EPS8: variants seen among roughly 807,000 people sequenced by gnomAD.
EPS8 encodes the protein EGFR pathway substrate 8, signaling adaptor, also known as epidermal growth factor receptor kinase substrate 8.
A neutral mutation model predicts 103.8 loss-of-function variants in EPS8; 42 were observed. The observed-to-expected ratio is 0.40, with a 90% CI of 0.32 to 0.52. EPS8 has a LOEUF of 0.52. Among genes scored for constraint, EPS8 ranks in the 20% least tolerant of loss-of-function variants. The pLI, the probability that EPS8 is intolerant of heterozygous loss-of-function variation, is 0.40. For missense variants in EPS8, 969 were observed against 1,005.1 expected (o/e 0.96, Z 0.49); for synonymous variants, 344 against 344.6 (o/e 1.00, Z 0.02).
At chr12:15,708,915 T>C (rs1289456357) in intron 1 of EPS8, among the ~76,000 whole-genome samples, 1 of 152,252 alleles carries the variant, frequency 6.6e-6, no homozygotes, top group African/African-American at 2.4e-5. Context: ...TGAGCCACTA[T>C]GCAACATGAT....
Position 15,647,244 on chromosome 12 carries a change from T to C in EPS8, c.1451A>G (p.Glu484Gly). The change falls in exon 15 of 21, where the codon GAG (glutamate) becomes GGG (glycine). Residue 484 changes from glutamate to glycine, a missense_variant. Physicochemically the swap from Glu to Gly is moderately conservative, Grantham distance 98. Transcript: ENST00000281172. ...CGCATAGCCATCGGCTGGATGATAC[T>C]CTGATACACTGGAATGCTGAAAGAC... ...RLSTEHSSVS[E>G]YHPADGYAFS... is the part of the protein sequence containing the mutation. The C allele has an allele frequency of 6.2e-7, 1 of 1,613,004 alleles. No homozygotes were observed. The highest frequency in any genetic ancestry group is 8.5e-7 in the Non-Finnish European group (1 of 1,179,454).
Position 15,725,748 on chromosome 12 carries a change from T to A in EPS8, c.-21-42776A>T, listed in dbSNP as rs1946646400. 6.6e-6 allele frequency among the ~76,000 whole-genome samples: 1 copy of A among 152,294 alleles called. No homozygotes were observed. Among genetic ancestry groups the A allele is most frequent in the South Asian group, 2.1e-4 (1 of 4,822 alleles). On this transcript the variant is annotated intron_variant, in intron 1 of 20. Coordinates refer to ENST00000281172, the MANE Select transcript of EPS8 (RefSeq NM_004447.6). The surrounding 1 kb of genome is among the most constrained non-coding windows in gnomAD (Gnocchi z 4.5). Reference sequence around the variant, plus strand: ...AAATGAACAAAAAGATGGAAAAATATGAATTTTAAAAATTTACAAGCTCTG... The same window carrying A: ...AAATGAACAAAAAGATGGAAAAATAAGAATTTTAAAAATTTACAAGCTCTG...
rs1463997467 is a variant in EPS8, at chr12:15,752,415, C to T, written c.-22+36746G>A. Among the ~76,000 whole-genome samples the T allele has an allele frequency of 1.3e-5, 2 of 151,828 alleles. No homozygotes were observed. Among genetic ancestry groups the T allele is most frequent in the Non-Finnish European group, 1.5e-5 (1 of 67,944 alleles). On this transcript the variant is annotated intron_variant, in intron 1 of 20. Coordinates refer to ENST00000281172, the MANE Select transcript of EPS8 (RefSeq NM_004447.6). The surrounding 1 kb of genome is among the most constrained non-coding windows in gnomAD (Gnocchi z 4.4). Reference sequence around the variant, plus strand: ...TGAGCTGAGATCATGCCACTGCACCCTAGCCTGGGCGACAGAGCAAGACTC... The same window carrying T: ...TGAGCTGAGATCATGCCACTGCACCTTAGCCTGGGCGACAGAGCAAGACTC...
chr12:15,722,119 C>T (rs1946602941), intron 1 of EPS8, among the ~76,000 whole-genome samples: 1 of 150,984 alleles, frequency 6.6e-6, no homozygotes, highest in African/African-American at 2.4e-5. Flanking sequence ...AATCTTTTGG[C>T]TTCCCTGGGC....
chr12:15,710,606 G>A (rs966321954), intron 1 of EPS8, among the ~76,000 whole-genome samples: 1 of 152,012 alleles, frequency 6.6e-6, no homozygotes, highest in African/African-American at 2.4e-5. Flanking sequence ...TTGTACACAC[G>A]ATTCTGTATA....
rs1947297325 is a variant in EPS8, at chr12:15,785,023, T to TAA, written c.-22+4137_-22+4138insTT. Among the ~76,000 whole-genome samples the TAA allele has an allele frequency of 1.3e-5, 2 of 152,106 alleles. No individual in the cohort carries two copies. Among genetic ancestry groups the TAA allele is most frequent in the Non-Finnish European group, 2.9e-5 (2 of 67,948 alleles). ...GTTGAAATTATTCGGTATGATACTA[T>TAA]GATCCTATAAGGATAGCTACATCAA... is the stretch of plus-strand genomic sequence containing the variant. On this transcript the variant is annotated intron_variant, in intron 1 of 20. Coordinates refer to ENST00000281172, the MANE Select transcript of EPS8 (RefSeq NM_004447.6). This position sits in a 1 kb window ranked among gnomAD's most constrained non-coding sequence, Gnocchi z 4.9.
intron 1 of EPS8, among the ~76,000 whole-genome samples, chr12:15,723,793 G>T (rs1242712875): frequency 6.6e-6 from 1 of 151,992 alleles, no homozygotes; most frequent in African/African-American, 2.4e-5. Context: ...AAAAGTTTTT[G>T]ATCAACTTTT....
At chr12:15,632,811 A>G (rs1180261180) in intron 17 of EPS8, among the ~76,000 whole-genome samples, 2 of 152,142 alleles carry the variant, frequency 1.3e-5, no homozygotes, top group Non-Finnish European at 2.9e-5. Flanking sequence ...CTCAAAAACA[A>G]CACATCAACC....
In EPS8 at chr12:15,654,227, T is replaced by C. The variant is rs1008344421; in HGVS notation, c.1168A>G (p.Thr390Ala). Residue 390 changes from threonine (T) to alanine (A), a missense_variant, in exon 13 of 21, where the codon ACA (threonine) becomes GCA (alanine). Coordinates refer to ENST00000281172, the MANE Select transcript of EPS8 (RefSeq NM_004447.6). ...ACAGTATAATTTAAGAAATCAATTG[T>C]GTCCTTATTCAATAGGGGACTAAGT... ...SVLSPLLNKD[T>A]IDFLNYTVNG... 1 of 1,613,574 alleles carries C rather than the reference T, an allele frequency of 6.2e-7. No homozygotes were observed.
chr12:15,633,109 C>G lies in EPS8; in HGVS notation c.1822-1445G>C, dbSNP rs544545354. 4.6e-5 allele frequency among the ~76,000 whole-genome samples: 7 copies of G among 152,182 alleles called. No individual in the cohort carries two copies. The East Asian group carries it at 9.6e-4, about 21-fold the overall frequency. On this transcript the variant is annotated intron_variant, in intron 17 of 20. Coordinates refer to ENST00000281172, the MANE Select transcript of EPS8 (RefSeq NM_004447.6). ...GAGAAGGAGTTAGGTGGGACAGAAA[C>G]TGAGTTGCTAATCCCCTTAGCATTC...
At chr12:15,703,143 G>A (rs946848342) in intron 1 of EPS8, among the ~76,000 whole-genome samples, 14 of 152,126 alleles carry the variant, frequency 9.2e-5, no homozygotes, top group African/African-American at 1.7e-4. Context: ...GCGAGACTCC[G>A]TCTCAAAAAA....
chr12:15,672,662 C>T (rs1033430944), intron 3 of EPS8, among the ~76,000 whole-genome samples: 3 of 152,190 alleles, frequency 2.0e-5, no homozygotes, highest in African/African-American at 7.2e-5. Context: ...GAGGATTAAT[C>T]AGTGTGAGAT....
At chr12:15,783,905 CTA>C (rs1211843718) in intron 1 of EPS8, among the ~76,000 whole-genome samples, 1 of 151,838 alleles carries the variant, frequency 6.6e-6, no homozygotes, top group Non-Finnish European at 1.5e-5. Context: ...AATTTATAAT[CTA>C]TTAATTTAAA....
chr12:15,676,190 G>A (rs370207483), intron 3 of EPS8, among the ~76,000 whole-genome samples: 6 of 145,010 alleles, frequency 4.1e-5, no homozygotes, highest in East Asian at 2.2e-4. Context: ...GGAGAATGGC[G>A]TGAACCCAGG....
At chr12:15,623,099 AGTT>A (rs1192077519) in intron 20 of EPS8, 56 bp downstream of exon 20, 1 of 1,525,524 alleles carries the variant, frequency 6.6e-7, no homozygotes, top group Admixed American at 2.2e-5. Context: ...GGACATAAAT[AGTT>A]GTTTCCAGAG....
chr12:15,756,205 A>G (rs1406714679), intron 1 of EPS8, among the ~76,000 whole-genome samples: 1 of 152,242 alleles, frequency 6.6e-6, no homozygotes, highest in South Asian at 2.1e-4. Flanking sequence ...TGTAGAGCCT[A>G]CAAAGAAATT....
chr12:15,775,028 T>C (rs1204607759), intron 1 of EPS8, among the ~76,000 whole-genome samples: 1 of 152,100 alleles, frequency 6.6e-6, no homozygotes, highest in Admixed American at 6.6e-5. Flanking sequence ...GCCAAACCCA[T>C]TGTGAGTATC....
rs1947218728 is a variant in EPS8 at position 15,777,483 on chromosome 12, T to C, written c.-22+11678A>G. Among the ~76,000 whole-genome samples, 1 of 152,194 alleles carries C rather than the reference T, an allele frequency of 6.6e-6. No individual in the cohort carries two copies. The highest frequency in any genetic ancestry group is 1.5e-5 in the Non-Finnish European group (1 of 68,020). Reference sequence around the variant, plus strand: ...GAGATTTTACTATTTCCAAAATCACTTACTTAGTACCCAAATAAGGTAAAG... The same window carrying C: ...GAGATTTTACTATTTCCAAAATCACCTACTTAGTACCCAAATAAGGTAAAG... On this transcript the variant is annotated intron_variant, in intron 1 of 20. Coordinates refer to ENST00000281172, the MANE Select transcript of EPS8 (RefSeq NM_004447.6). The surrounding 1 kb of genome is among the most constrained non-coding windows in gnomAD (Gnocchi z 4.7).
At chr12:15,676,644 C>T (rs1339859960) in intron 3 of EPS8, among the ~76,000 whole-genome samples, 1 of 152,098 alleles carries the variant, frequency 6.6e-6, no homozygotes, top group Non-Finnish European at 1.5e-5. Context: ...AATTTTAGTG[C>T]TTAAAGGCTT....
Sources: gnomAD v4.1 joint callset for allele counts (sites outside exome capture counted in the v4.1 genomes callset) on GRCh38, gnomAD v4.1.1 for gene constraint, Gnocchi (gnomAD v3.1) non-coding constraint, MANE v1.5 for transcripts, NCBI Gene and HGNC (gene_info 2026-07-23, HGNC 2026-07-21) for gene names.